The following PIP5K1A variants were observed in gnomAD, a reference collection of about 807,000 sequenced individuals.
PIP5K1A encodes phosphatidylinositol-4-phosphate 5-kinase type 1 alpha, also known as phosphatidylinositol 4-phosphate 5-kinase type-1 alpha.
PIP5K1A carries 46 observed loss-of-function variants against 72.9 expected under a neutral mutation model. The observed-to-expected ratio is 0.63, with a 90% CI of 0.50 to 0.81. The LOEUF is 0.81. PIP5K1A is among the 30% of genes least tolerant of loss of function. The pLI is 0.00. For missense variants in PIP5K1A, 458 were observed against 706.1 expected, an observed-to-expected ratio of 0.65 and a Z score of 3.98; for synonymous variants, 228 against 255.1, an observed-to-expected ratio of 0.89 and a Z score of 1.01.
At chr1:151,209,520 A>G (rs770604901) in intron 1 of PIP5K1A, among the ~76,000 whole-genome samples, 3 of 150,196 alleles carry the variant, frequency 2.0e-5, no homozygotes, top group African/African-American at 7.4e-5. Flanking sequence ...GCTCACCGCA[A>G]CCTCTGCCTC....
intron 5 of PIP5K1A, 95 bp downstream of exon 5, chr1:151,231,896 CAT>C (rs755430401): frequency 6.2e-6 from 7 of 1,122,548 alleles, no homozygotes; most frequent in South Asian, 2.6e-5. Flanking sequence ...ACAATTTAGA[CAT>C]GTGTCCATTT....
chr1:151,205,278 C>T (rs587711594), intron 1 of PIP5K1A, among the ~76,000 whole-genome samples: 3 of 152,220 alleles, frequency 2.0e-5, no homozygotes, highest in East Asian at 3.9e-4. Context: ...CAGGTTCAAG[C>T]GATTCTCCTG....
chr1:151,247,051 A>C (rs1299322994), intron 15 of PIP5K1A, 86 bp downstream of exon 15: 11 of 793,048 alleles, frequency 1.4e-5, no homozygotes, highest in Non-Finnish European at 2.2e-5. Context: ...GTTAATTGTC[A>C]AGATTAGAGG....
chr1:151,231,574 GTTTTAAAGTGTTCCTTCTAGCTTCCC>G, intron 4 of PIP5K1A, 71 bp from the exon 5 acceptor site: 1 of 1,074,288 alleles, frequency 9.3e-7, no homozygotes, highest in Non-Finnish European at 1.4e-6. Flanking sequence ...AAGGATGTTT[GTTTTAAAGTGTTCCTTCTAGCTTCCC>G]CTTTCTGAAT....
At chr1:151,202,106 C>G (rs1333015708) in intron 1 of PIP5K1A, among the ~76,000 whole-genome samples, 4 of 152,156 alleles carry the variant, frequency 2.6e-5, no homozygotes, top group Non-Finnish European at 4.4e-5. Flanking sequence ...CCTAAATAAC[C>G]TCTCCTTCCC....
chr1:151,216,073 C>T (rs2102242830), intron 1 of PIP5K1A: 2 of 797,696 alleles, frequency 2.5e-6, no homozygotes, highest in South Asian at 2.8e-5. Context: ...TCCTCTTCCC[C>T]ATAACAGTTG....
intron 4 of PIP5K1A, among the ~76,000 whole-genome samples, chr1:151,231,096 A>G (rs1359106002): frequency 6.6e-6 from 1 of 151,614 alleles, no homozygotes; most frequent in Non-Finnish European, 1.5e-5. Context: ...AATCTCAGCT[A>G]CTCGGGAGGC....
upstream of PIP5K1A, among the ~76,000 whole-genome samples, chr1:151,196,240 C>T (rs1033496988): frequency 6.6e-6 from 1 of 152,074 alleles, no homozygotes; most frequent in Non-Finnish European, 1.5e-5. Context: ...GGTAGCAATC[C>T]TATGCCTTTT....
chr1:151,237,049 C>T (rs1009897041), intron 9 of PIP5K1A, among the ~76,000 whole-genome samples: 2 of 152,054 alleles, frequency 1.3e-5, no homozygotes, highest in African/African-American at 4.8e-5. Flanking sequence ...AACTAGTCTA[C>T]GAACTCCTGA....
intron 1 of PIP5K1A, among the ~76,000 whole-genome samples, chr1:151,208,361 C>G (rs796138709): frequency 7.9e-6 from 1 of 125,988 alleles, no homozygotes; most frequent in African/African-American, 3.0e-5. Flanking sequence ...GTTTTCTTTT[C>G]TTTTTTTTTT....
Position 151,248,048 on chromosome 1 carries a change from C to T in PIP5K1A, c.*183C>T, listed in dbSNP as rs189538786. ...GAAGAACCTTCTCTCCTTCCTCTTC[C>T]TCATGAATGGGCCTTAGTGCCTCAG... is the stretch of plus-strand genomic sequence containing the variant. On this transcript the variant is annotated 3_prime_UTR_variant, in exon 16 of 16. Coordinates refer to ENST00000368888, the MANE Select transcript of PIP5K1A (RefSeq NM_001135638.2). 1,646 of 637,296 alleles carry T rather than the reference C, an allele frequency of 2.6e-3. 16 individuals carry two copies. Among genetic ancestry groups the T allele is most frequent in the South Asian group, 0.013 (742 of 55,434 alleles). 39.5% of individuals were successfully genotyped at this position (637,296 alleles called of 1,614,324 possible).
At chr1:151,198,190 C>A (rs1378551168), upstream of PIP5K1A, 1 of 446,484 alleles carries the variant, frequency 2.2e-6, no homozygotes, top group Non-Finnish European at 4.6e-6. Flanking sequence ...AAGAAGAGTT[C>A]TTGGTGGTAT....
At position 151,221,633 on chromosome 1, in the gene PIP5K1A, A is replaced by T. The variant is rs923821575; in HGVS notation, c.86-2612A>T. Among the ~76,000 whole-genome samples, 3 of 152,364 alleles carry T rather than the reference A, an allele frequency of 2.0e-5. No homozygotes were observed. In the East Asian group the frequency reaches 5.8e-4, roughly 29 times the overall value. On this transcript the variant is annotated intron_variant, in intron 1 of 15. Coordinates refer to ENST00000368888, the MANE Select transcript of PIP5K1A (RefSeq NM_001135638.2). ...TAATGTTGTTTCCCTGCCCAAAAAG[A>T]TAATGATATATATAAATCATGGGTA...
chr1:151,203,401 C>G (rs2101889456), intron 1 of PIP5K1A, among the ~76,000 whole-genome samples: 1 of 151,902 alleles, frequency 6.6e-6, no homozygotes, highest in African/African-American at 2.4e-5. Context: ...TGGTGGCAGG[C>G]ACCTGTAATC....
intron 1 of PIP5K1A, among the ~76,000 whole-genome samples, chr1:151,219,743 C>T (rs1254459304): frequency 1.3e-5 from 2 of 151,688 alleles, no homozygotes; most frequent in African/African-American, 4.8e-5. Context: ...GTGGCTCATG[C>T]TTCTAATCCC....
rs1692609737 is a variant in PIP5K1A, at chr1:151,247,084, G to GT, written c.1686+125dup. On this transcript the variant is annotated intron_variant, in intron 15 of 15. Transcript: ENST00000368888. ...AGGATCTGGGTACCTCCTAAATCTT[G>GT]TTTTTTATTTTTTATTATTTTTTTA... 7 of 473,424 alleles carry GT rather than the reference G, an allele frequency of 1.5e-5. No homozygotes were observed. The South Asian group carries it at 1.7e-4, about 11-fold the overall frequency. The allele number at this position is 473,424 out of a possible 1,614,324, so 29.3% of individuals were successfully genotyped here. A position where few individuals can be genotyped will look rare whatever the true frequency, so the allele number is the denominator to read the frequency against.
At chr1:151,215,848 C>T in intron 1 of PIP5K1A, 1 of 490,624 alleles carries the variant, frequency 2.0e-6, no homozygotes, top group Non-Finnish European at 4.0e-6. Context: ...AGGAATCTGA[C>T]CAGGTCCAGT....
Sources: gnomAD v4.1 joint callset for allele counts (sites outside exome capture counted in the v4.1 genomes callset) on GRCh38, gnomAD v4.1.1 for gene constraint, MANE v1.5 for transcripts, NCBI Gene and HGNC (gene_info 2026-07-23, HGNC 2026-07-21) for gene names.